Variants in STARD6 observed in about 807,000 individuals in gnomAD.
The protein encoded by STARD6 is StAR related lipid transfer domain containing 6.
Under a neutral mutation model 22.3 loss-of-function variants are expected in STARD6, and 21 were observed. That is an observed-to-expected ratio of 0.94 (90% CI 0.67 to 1.35). STARD6 has a LOEUF of 1.35. Ranked by LOEUF, STARD6 falls within the 40% of genes most tolerant of loss-of-function variation. STARD6 has a pLI of 0.00. For missense variants in STARD6, 269 were observed against 266.9 expected (o/e 1.01, Z -0.05); for synonymous variants, 80 against 88.1 (o/e 0.91, Z 0.52).
intron 4 of STARD6, among the ~76,000 whole-genome samples, chr18:54,337,740 A>G (rs2088930463): frequency 6.6e-6 from 1 of 152,152 alleles, no homozygotes; most frequent in Admixed American, 6.5e-5. Flanking sequence ...AACTTTGCCA[A>G]CCCCTGGCTT....
At chr18:54,332,979 C>T (rs1007000715) in intron 5 of STARD6, among the ~76,000 whole-genome samples, 18 of 151,878 alleles carry the variant, frequency 1.2e-4, no homozygotes, top group Admixed American at 3.3e-4. Context: ...CAAATCTTTA[C>T]AAAAAGGGAA....
intron 4 of STARD6, among the ~76,000 whole-genome samples, chr18:54,349,549 G>A (rs1407645881): frequency 6.6e-6 from 1 of 152,120 alleles, no homozygotes; most frequent in Non-Finnish European, 1.5e-5. Context: ...GTGGTTTTTG[G>A]CTACATGGAT....
chr18:54,333,583 A>T (rs1266608405), intron 5 of STARD6, among the ~76,000 whole-genome samples: 6 of 152,240 alleles, frequency 3.9e-5, no homozygotes, highest in Admixed American at 3.9e-4. Context: ...AATCCCAAGA[A>T]GATCATGGAC....
intron 1 of STARD6, 76 bp downstream of exon 1, chr18:54,357,716 G>C (rs745533897): frequency 6.6e-6 from 1 of 152,508 alleles, no homozygotes; most frequent in Admixed American, 6.5e-5. Flanking sequence ...GAGGTTGGAA[G>C]GGCGTGGGGG....
rs1441518727 is a variant in STARD6, at chr18:54,342,475, G to T, written c.141-5224C>A. 7.1e-5 allele frequency among the ~76,000 whole-genome samples: 8 copies of T among 112,470 alleles called. No homozygotes were observed. The East Asian group carries it at 1.6e-3, about 23-fold the overall frequency. The allele number at this position is 112,470 out of a possible 152,430, so 73.8% of individuals were successfully genotyped here. ...TCCCTCTCCCTCTCCCTCCCTCTCC[G>T]TCTCCGTCTCCGTCTCCCTCTCCCC... On this transcript the variant is annotated intron_variant, in intron 4 of 7. Transcript: ENST00000307844.
chr18:54,351,012 T>C (rs1479514702), intron 4 of STARD6, among the ~76,000 whole-genome samples: 1 of 152,218 alleles, frequency 6.6e-6, no homozygotes, highest in Non-Finnish European at 1.5e-5. Context: ...TTTCTAGTTC[T>C]GTGAAGAAGG....
chr18:54,349,318 G>T (rs571975980), intron 4 of STARD6, among the ~76,000 whole-genome samples: 110 of 152,154 alleles, frequency 7.2e-4, no homozygotes, highest in African/African-American at 2.6e-3. Flanking sequence ...GGAAACATTT[G>T]GGGGAATAGC....
Position 54,347,731 on chromosome 18 carries a change from A to G in STARD6, c.140+6323T>C, listed in dbSNP as rs374552863. On this transcript the variant is annotated intron_variant, in intron 4 of 7. Transcript: ENST00000307844. ...TGTTTTTCATTGTTCCTCCAAATAT[A>G]TCTACACATTATGTAGAACCAGGAT... is the stretch of plus-strand genomic sequence containing the variant. Among the ~76,000 whole-genome samples the G allele has an allele frequency of 9.5e-4, 145 of 152,238 alleles. 1 individual carries two copies. The South Asian group carries it at 0.019, about 20-fold the overall frequency.
At position 54,337,267 on chromosome 18, in the gene STARD6, TAAAG is replaced by T. The variant is rs772349023; in HGVS notation, c.141-20_141-17del. ...AACACGATATCTACAGTTAACAAAA[TAAAG>T]AAAATTCAAAGCTTAAAAAGTTTAG... On this transcript the variant is annotated splice_polypyrimidine_tract_variant and intron_variant, in intron 4 of 7. Transcript: ENST00000307844. 38 of 1,602,488 alleles carry T rather than the reference TAAAG, an allele frequency of 2.4e-5. No homozygotes were observed. Among genetic ancestry groups the T allele is most frequent in the Admixed American group, 3.5e-5 (2 of 57,098 alleles).
At chr18:54,341,278 C>G (rs371153320) in intron 4 of STARD6, among the ~76,000 whole-genome samples, 1 of 152,308 alleles carries the variant, frequency 6.6e-6, no homozygotes, top group East Asian at 1.9e-4. Context: ...CCAGGATGGT[C>G]TCGATCTCCC....
chr18:54,335,054 T>C (rs943317856), intron 5 of STARD6, among the ~76,000 whole-genome samples: 1 of 152,090 alleles, frequency 6.6e-6, no homozygotes, highest in African/African-American at 2.4e-5. Context: ...AAAGTCAGGA[T>C]TCCCCCCAAA....
Position 54,328,865 on chromosome 18 carries a change from G to A in STARD6, c.479+482C>T, listed in dbSNP as rs924183371. Among the ~76,000 whole-genome samples the A allele has an allele frequency of 7.9e-5, 12 of 152,090 alleles. No individual in the cohort carries two copies. The South Asian group carries it at 8.3e-4, about 11-fold the overall frequency. On this transcript the variant is annotated intron_variant, in intron 7 of 7. Transcript: ENST00000307844. ...GCAGTGACTCATCTCTGATTTCTTC[G>A]GCTTTTCTTTTTATCTGAATGTACC...
At position 54,337,160 on chromosome 18, in the gene STARD6, A is replaced by G. The variant is rs969676846; in HGVS notation, c.232T>C (p.Leu78=). Reference sequence around the variant, plus strand: ...CTGTGTACCATATTATACACTTGCAATGATTTATCCCATGTAATTCTGTCT... The same window carrying G: ...CTGTGTACCATATTATACACTTGCAGTGATTTATCCCATGTAATTCTGTCT... The part of the protein sequence containing the change: ...TGDRITWDKS[L]QVYNMVHRID... The change falls in exon 5 of 8, where the codon TTG becomes CTG. Residue 78 remains leucine (L), a synonymous_variant. Transcript: ENST00000307844. The G allele has an allele frequency of 1.5e-5, 25 of 1,613,358 alleles. No homozygotes were observed. Among genetic ancestry groups the G allele is most frequent in the Non-Finnish European group, 2.0e-5 (24 of 1,179,620 alleles).
At chr18:54,332,040 A>C (rs954168863) in intron 5 of STARD6, among the ~76,000 whole-genome samples, 181 bp from the exon 6 acceptor site, 1 of 152,164 alleles carries the variant, frequency 6.6e-6, no homozygotes, top group Admixed American at 6.5e-5. Context: ...CATTAAATCT[A>C]CGAGTGTAGA....
intron 4 of STARD6, among the ~76,000 whole-genome samples, chr18:54,350,065 T>C (rs1282649260): frequency 6.6e-6 from 1 of 152,182 alleles, no homozygotes; most frequent in East Asian, 1.9e-4. Context: ...TCCATGCTGT[T>C]TTCCATAGTG....
intron 4 of STARD6, among the ~76,000 whole-genome samples, chr18:54,338,177 T>C (rs1568169393): frequency 6.6e-6 from 1 of 152,186 alleles, no homozygotes; most frequent in Non-Finnish European, 1.5e-5. Flanking sequence ...TGGAAAATAA[T>C]ATATTCTATC....
chr18:54,341,523 G>A (rs1054113722), intron 4 of STARD6, among the ~76,000 whole-genome samples: 4 of 152,104 alleles, frequency 2.6e-5, no homozygotes, highest in African/African-American at 7.2e-5. Flanking sequence ...AGAGACCATC[G>A]TTCAGGCAAT....
At chr18:54,329,497 C>T in intron 6 of STARD6, 57 bp from the exon 7 acceptor site, 1 of 1,347,146 alleles carries the variant, frequency 7.4e-7, no homozygotes, top group Non-Finnish European at 1.0e-6. Flanking sequence ...AAAACTATTT[C>T]CAGCAGCATA....
At chr18:54,353,927 T>G (rs1285108606) in intron 4 of STARD6, 127 bp downstream of exon 4, 1 of 525,538 alleles carries the variant, frequency 1.9e-6, no homozygotes. Flanking sequence ...TTCTGCCTAG[T>G]GACTTAATAA....
Sources: gnomAD v4.1 joint callset for allele counts (sites outside exome capture counted in the v4.1 genomes callset) on GRCh38, gnomAD v4.1.1 for gene constraint, MANE v1.5 for transcripts, NCBI Gene and HGNC (gene_info 2026-07-23, HGNC 2026-07-21) for gene names.